The following LARP1 variants were observed in gnomAD, a reference collection of about 807,000 sequenced individuals.
The protein encoded by LARP1 is la-related protein 1.
LARP1 carries 36 observed loss-of-function variants against 122.7 expected under a neutral mutation model. The ratio of observed to expected loss-of-function variants is 0.29; its 90% CI spans 0.22 to 0.39. The LOEUF is 0.39. Ranked by LOEUF, LARP1 falls within the 10% of genes least tolerant of loss-of-function variation. LARP1 has a pLI of 1.00. For missense variants in LARP1, 1,040 were observed against 1,403.6 expected (o/e 0.74, Z 4.14); for synonymous variants, 539 against 528.7 (o/e 1.02, Z -0.27).
chr5:154,686,294 G>A (rs542455543), intron 1 of LARP1, among the ~76,000 whole-genome samples: 51 of 152,316 alleles, frequency 3.3e-4, no homozygotes, highest in Admixed American at 1.4e-3. Flanking sequence ...TTCTGGCTGC[G>A]GGGATGCTCC....
At chr5:154,790,931 C>A (rs1292241467) in intron 3 of LARP1, among the ~76,000 whole-genome samples, 2 of 151,992 alleles carry the variant, frequency 1.3e-5, no homozygotes, top group Non-Finnish European at 2.9e-5. Flanking sequence ...GATTCTCCTC[C>A]CCCAGCCTCC....
At chr5:154,805,197 G>A (rs536497723) in intron 14 of LARP1, 1 of 297,064 alleles carries the variant, frequency 3.4e-6, no homozygotes, top group Non-Finnish European at 6.6e-6. Context: ...TAACAAACCT[G>A]TACACATACC....
rs796152893 is a variant in LARP1, at chr5:154,725,119, C to T, written c.205+11989C>T. On this transcript the variant is annotated intron_variant, in intron 1 of 18. Coordinates refer to the LARP1 transcript ENST00000336314. ...AAATTAGCCAGGTGTGGGCTGGATGCGGTGGCTCACACCTGTAATCCCAGC... is the reference window on the plus strand; with the variant it reads ...AAATTAGCCAGGTGTGGGCTGGATGTGGTGGCTCACACCTGTAATCCCAGC... Among the ~76,000 whole-genome samples the T allele has an allele frequency of 1.3e-4, 19 of 151,898 alleles. 1 individual carries two copies. Among genetic ancestry groups the T allele is most frequent in the African/African-American group, 3.6e-4 (15 of 41,446 alleles).
chr5:154,743,411 C>G (rs1018888550), intron 1 of LARP1, among the ~76,000 whole-genome samples: 1 of 151,340 alleles, frequency 6.6e-6, no homozygotes, highest in African/African-American at 2.4e-5. Context: ...CGGGTTCAAG[C>G]GATTCTCCTG....
intron 1 of LARP1, among the ~76,000 whole-genome samples, chr5:154,783,726 C>G (rs2434218): frequency 0.89 from 135,585 of 152,164 alleles, 61,188 homozygotes; most frequent in African/African-American, 0.98. Context: ...AATCCATGCC[C>G]AGAGTTTAGA....
chr5:154,740,511 A>G (rs1045704832), intron 1 of LARP1, among the ~76,000 whole-genome samples: 1 of 152,198 alleles, frequency 6.6e-6, no homozygotes, highest in African/African-American at 2.4e-5. Flanking sequence ...AATTCTCCCA[A>G]CAGCCTAATG....
chr5:154,767,012 A>G (rs1410118560), intron 1 of LARP1, among the ~76,000 whole-genome samples: 1 of 152,218 alleles, frequency 6.6e-6, no homozygotes, highest in African/African-American at 2.4e-5. Context: ...GATTCCAGTC[A>G]ATTCAAAGTG....
At position 154,815,018 on chromosome 5, in the gene LARP1, T is replaced by C. The variant is rs994511394; in HGVS notation, c.*922T>C. On this transcript the variant is annotated 3_prime_UTR_variant, in exon 19 of 19. Coordinates refer to ENST00000518297, the MANE Select transcript of LARP1 (RefSeq NM_033551.3). Reference sequence around the variant, plus strand: ...AATATTTTTTTAAAAGTTGCCTTATTGTGGAGCGGGAATCTGAAATACCCA... The same window carrying C: ...AATATTTTTTTAAAAGTTGCCTTATCGTGGAGCGGGAATCTGAAATACCCA... The C allele has an allele frequency of 2.6e-5, 4 of 152,510 alleles. No homozygotes were observed. Among genetic ancestry groups the C allele is most frequent in the African/African-American group, 9.7e-5 (4 of 41,406 alleles). 9.4% of individuals were successfully genotyped at this position (152,510 alleles called of 1,614,324 possible).
At chr5:154,779,904 G>C (rs1221804761) in intron 1 of LARP1, among the ~76,000 whole-genome samples, 1 of 152,136 alleles carries the variant, frequency 6.6e-6, no homozygotes, top group African/African-American at 2.4e-5. Context: ...TGGCTGCTGA[G>C]CCTGTCCTGT....
rs768858958 is a variant in LARP1 at position 154,756,031 on chromosome 5, G to C, written c.274G>C (p.Gly92Arg). Residue 92 changes from glycine to arginine, a missense_variant, in exon 1 of 19, where the codon GGG becomes CGG. This residue lies in a region of LARP1 where 257 missense variants were observed against 273.3 expected (regional missense o/e 0.94). Coordinates refer to ENST00000518297, the MANE Select transcript of LARP1 (RefSeq NM_033551.3). ...PGAEGPAISD[G>R]EEGGGEPGAG... ...CGCCGAAGGCCCGGCCATCAGCGACGGGGAGGAGGGCGGCGGCGAGCCAGG... is the reference window on the plus strand; with the variant it reads ...CGCCGAAGGCCCGGCCATCAGCGACCGGGAGGAGGGCGGCGGCGAGCCAGG... 1 of 1,047,172 alleles carries C rather than the reference G, an allele frequency of 9.5e-7. No homozygotes were observed. The highest frequency in any genetic ancestry group is 1.2e-6 in the Non-Finnish European group (1 of 868,386). The allele number at this position is 1,047,172 out of a possible 1,614,324, so 64.9% of individuals were successfully genotyped here.
chr5:154,708,526 C>G (rs895389384), upstream of LARP1, among the ~76,000 whole-genome samples: 5 of 152,166 alleles, frequency 3.3e-5, no homozygotes, highest in South Asian at 8.3e-4. Flanking sequence ...TGTCCATTTC[C>G]TCACAGAGCT....
chr5:154,708,241 G>A (rs778815304), upstream of LARP1, among the ~76,000 whole-genome samples: 1 of 152,072 alleles, frequency 6.6e-6, no homozygotes, highest in African/African-American at 2.4e-5. Flanking sequence ...ATGCTCACTC[G>A]TCGCCCCCAT....
At chr5:154,765,482 C>G (rs1754865603) in intron 1 of LARP1, among the ~76,000 whole-genome samples, 1 of 152,174 alleles carries the variant, frequency 6.6e-6, no homozygotes, top group South Asian at 2.1e-4. Context: ...ACTCAACCTC[C>G]CAGGCTCAAG....
At chr5:154,711,141 C>CTT (rs544780959), upstream of LARP1, among the ~76,000 whole-genome samples, 34 of 135,308 alleles carry the variant, frequency 2.5e-4, no homozygotes, top group African/African-American at 7.6e-4. Context: ...CAGTGTGGTA[C>CTT]TTTTTTTTTT....
chr5:154,736,568 A>ATTTT (rs1313301323), intron 1 of LARP1, among the ~76,000 whole-genome samples: 23 of 146,798 alleles, frequency 1.6e-4, no homozygotes, highest in Admixed American at 1.0e-3. Flanking sequence ...TTATTTATTT[A>ATTTT]TTTATTTATT....
chr5:154,766,181 G>T (rs1158578382), intron 1 of LARP1, among the ~76,000 whole-genome samples: 1 of 152,222 alleles, frequency 6.6e-6, no homozygotes, highest in Admixed American at 6.5e-5. Context: ...AAGGTAAGCA[G>T]TCCTGCCTTG....
At chr5:154,730,077 G>C (rs1198031707) in intron 1 of LARP1, among the ~76,000 whole-genome samples, 1 of 152,210 alleles carries the variant, frequency 6.6e-6, no homozygotes, top group Non-Finnish European at 1.5e-5. Flanking sequence ...TTTTGGGGTA[G>C]TTTGCTTACA....
intron 1 of LARP1, among the ~76,000 whole-genome samples, chr5:154,703,322 C>G (rs1754809065): frequency 6.6e-6 from 1 of 152,100 alleles, no homozygotes; most frequent in Non-Finnish European, 1.5e-5. Context: ...TGCCAGTTGC[C>G]TTTGGCCTGG....
intron 1 of LARP1, among the ~76,000 whole-genome samples, chr5:154,787,816 G>A (rs1012067274): frequency 4.0e-5 from 6 of 151,034 alleles, no homozygotes; most frequent in Admixed American, 3.3e-4. Flanking sequence ...TGCTCAGACT[G>A]TTTGTATTCT....
Sources: allele counts gnomAD v4.1 joint callset (sites outside exome capture counted in the v4.1 genomes callset), GRCh38; gene constraint gnomAD v4.1.1; regional missense constraint gnomAD v4.1.1; transcripts MANE v1.5; gene names NCBI Gene and HGNC (gene_info 2026-07-23, HGNC 2026-07-21).